SMIM8: variants seen among roughly 807,000 people sequenced by gnomAD.
SMIM8 encodes small integral membrane protein 8.
A neutral mutation model predicts 8.1 loss-of-function variants in SMIM8; 8 were observed. The observed-to-expected ratio is 0.99, with a 90% CI of 0.58 to 1.78. The LOEUF (loss-of-function observed/expected upper bound fraction) is 1.78. SMIM8 is among the 40% of genes most tolerant of loss of function. SMIM8 has a pLI of 0.00. For synonymous variants in SMIM8, 45 were observed against 39.7 expected (o/e 1.13, Z -0.50); for missense variants, 126 against 119.8 (o/e 1.05, Z -0.24).
intron 1 of SMIM8, among the ~76,000 whole-genome samples, chr6:87,328,219 A>G (rs1942078157): frequency 6.6e-6 from 1 of 152,176 alleles, no homozygotes; most frequent in African/African-American, 2.4e-5. Context: ...CGTAGCTCGG[A>G]ATAATTTGAT....
chr6:87,326,087 G>A (rs934571891), intron 1 of SMIM8, among the ~76,000 whole-genome samples: 1 of 152,176 alleles, frequency 6.6e-6, no homozygotes, highest in South Asian at 2.1e-4. Flanking sequence ...ATGGTAGTTT[G>A]TATTTCTGTG....
Position 87,340,476 on chromosome 6 carries a change from C to A in SMIM8, c.*202C>A. ...TCTCATTCTTTTTCCACAGAGTGAG[C>A]GTCATAATATTTTTCTTTCCTTACC... On this transcript the variant is annotated 3_prime_UTR_variant, in exon 4 of 4. Transcript: ENST00000392863. The A allele has an allele frequency of 2.7e-6, 1 of 372,172 alleles. No homozygotes were observed. Among genetic ancestry groups the A allele is most frequent in the Non-Finnish European group, 4.6e-6 (1 of 217,524 alleles). 23.1% of individuals were successfully genotyped at this position (372,172 alleles called of 1,614,324 possible).
At position 87,326,753 on chromosome 6, in the gene SMIM8, G is replaced by A. The variant is rs546054011; in HGVS notation, c.-44-3939G>A. ...AAAAATGTATATTCTGTTGATTTGG[G>A]GTGGAGAGTTCTGTAGATGTCTATT... On this transcript the variant is annotated intron_variant, in intron 1 of 3. Transcript: ENST00000392863. 6.6e-5 allele frequency among the ~76,000 whole-genome samples: 8 copies of A among 120,602 alleles called. No homozygotes were observed. In the South Asian group the frequency reaches 9.1e-4, roughly 14 times the overall value. 79.1% of individuals were successfully genotyped at this position (120,602 alleles called of 152,430 possible). A position where few individuals can be genotyped will look rare whatever the true frequency, so the allele number is the denominator to read the frequency against.
intron 1 of SMIM8, among the ~76,000 whole-genome samples, chr6:87,323,204 G>T (rs569280339): frequency 1.3e-5 from 2 of 152,336 alleles, no homozygotes; most frequent in East Asian, 3.9e-4. Context: ...CGCCAGCAAA[G>T]CCTTTCCCCT....
intron 2 of SMIM8, among the ~76,000 whole-genome samples, chr6:87,335,052 C>T (rs1777077244): frequency 6.6e-6 from 1 of 152,132 alleles, no homozygotes; most frequent in African/African-American, 2.4e-5. Flanking sequence ...ACAACTCTTT[C>T]TAAATGTAGA....
rs1424659153 is a variant in SMIM8 at position 87,332,327 on chromosome 6, G to GTA, written c.-24+1630_-24+1631dup. 3.1e-3 allele frequency among the ~76,000 whole-genome samples: 123 copies of GTA among 39,390 alleles called. 1 individual carries two copies. Among genetic ancestry groups the GTA allele is most frequent in the Middle Eastern group, 0.02 (2 of 102 alleles). 25.8% of individuals were successfully genotyped at this position (39,390 alleles called of 152,430 possible). ...CCTCCTCTCCTCCCCCCCCATATAT[G>GTA]TATATATATATATATAAATGACAGC... On this transcript the variant is annotated intron_variant, in intron 2 of 3. Transcript: ENST00000392863.
Position 87,337,076 on chromosome 6 carries a change from C to A in SMIM8, c.45C>A (p.Pro15=). The A allele has an allele frequency of 6.2e-7, 1 of 1,613,036 alleles. No individual in the cohort carries two copies. The highest frequency in any genetic ancestry group is 8.5e-7 in the Non-Finnish European group (1 of 1,179,428). The change falls in exon 3 of 4, where the codon CCC becomes CCA. Residue 15 remains proline, a synonymous_variant. Coordinates refer to ENST00000392863, the MANE Select transcript of SMIM8 (RefSeq NM_001042493.3). Reference sequence around the variant, plus strand: ...CTCCAACATTCAAAAAGGAACCACCCAAAGAGAAAGAGTTTCAAAGCCCAG... The same window carrying A: ...CTCCAACATTCAAAAAGGAACCACCAAAAGAGAAAGAGTTTCAAAGCCCAG... ...PEPPTFKKEP[P]KEKEFQSPGL...
chr6:87,334,562 C>G (rs1459609669), intron 2 of SMIM8, among the ~76,000 whole-genome samples: 5 of 152,084 alleles, frequency 3.3e-5, no homozygotes, highest in Non-Finnish European at 4.4e-5. Context: ...CCTCTTCCTC[C>G]CAAAATAGTG....
At chr6:87,336,731 G>C (rs242277) in intron 2 of SMIM8, among the ~76,000 whole-genome samples, 84,646 of 151,916 alleles carry the variant, frequency 0.56, 23,927 homozygotes, top group Non-Finnish European at 0.6. Flanking sequence ...GTGACTCAGA[G>C]CAACAAACAA....
intron 2 of SMIM8, among the ~76,000 whole-genome samples, chr6:87,333,565 T>C (rs59127357): frequency 0.073 from 11,108 of 152,046 alleles, 877 homozygotes; most frequent in African/African-American, 0.2. Context: ...CAGTTCTCAT[T>C]AGAAGAAAAA....
At chr6:87,339,515 TA>T (rs961986647) in intron 3 of SMIM8, among the ~76,000 whole-genome samples, 2 of 151,866 alleles carry the variant, frequency 1.3e-5, no homozygotes, top group Non-Finnish European at 2.9e-5. Flanking sequence ...TGTCCAAGAG[TA>T]AATCAAGGTT....
At chr6:87,323,863 A>G (rs1730464895) in intron 1 of SMIM8, among the ~76,000 whole-genome samples, 1 of 152,084 alleles carries the variant, frequency 6.6e-6, no homozygotes, top group African/African-American at 2.4e-5. Flanking sequence ...GACTTCCACA[A>G]TGGTTGTACT....
At chr6:87,332,782 G>T (rs1562223427) in intron 2 of SMIM8, among the ~76,000 whole-genome samples, 1 of 29,634 alleles carries the variant, frequency 3.4e-5, no homozygotes, top group Non-Finnish European at 7.7e-5. Context: ...TTGTATATTT[G>T]CTTTTTCAGG....
chr6:87,340,976 T>G lies in SMIM8; in HGVS notation c.*702T>G. On this transcript the variant is annotated 3_prime_UTR_variant, in exon 4 of 4. Coordinates refer to ENST00000392863, the MANE Select transcript of SMIM8 (RefSeq NM_001042493.3). Reference sequence around the variant, plus strand: ...AAAAGTATGTTTTACTGAGGTATGATGATTTTGACTACAACTAAATGTTAT... The same window carrying G: ...AAAAGTATGTTTTACTGAGGTATGAGGATTTTGACTACAACTAAATGTTAT... 1 of 244,038 alleles carries G rather than the reference T, an allele frequency of 4.1e-6. No homozygotes were observed. The highest frequency in any genetic ancestry group is 7.7e-6 in the Non-Finnish European group (1 of 129,428). The allele number at this position is 244,038 out of a possible 1,614,324, so 15.1% of individuals were successfully genotyped here.
At chr6:87,336,322 CA>C (rs1308144941) in intron 2 of SMIM8, among the ~76,000 whole-genome samples, 3 of 152,074 alleles carry the variant, frequency 2.0e-5, no homozygotes, top group Non-Finnish European at 1.5e-5. Flanking sequence ...GCTAGGAAAA[CA>C]AGAAGACAAA....
chr6:87,340,128 A>T lies in SMIM8; in HGVS notation c.148A>T (p.Met50Leu). 2 of 1,579,160 alleles carry T rather than the reference A, an allele frequency of 1.3e-6. No individual in the cohort carries two copies. Among genetic ancestry groups the T allele is most frequent in the South Asian group, 2.4e-5 (2 of 84,478 alleles). The change falls in exon 4 of 4, where the codon ATG becomes TTG. Residue 50 changes from methionine to leucine, a missense_variant. Physicochemically the swap from Met to Leu is conservative, Grantham distance 15. Coordinates refer to ENST00000392863, the MANE Select transcript of SMIM8 (RefSeq NM_001042493.3). ...ELFIKPNKPV[M>L]AFGLVTLSLC... ...TTTTCTTTGACAGAACAAACCTGTA[A>T]TGGCTTTCGGATTGGTAACTCTTTC...
At chr6:87,327,071 C>T (rs1776841082) in intron 1 of SMIM8, among the ~76,000 whole-genome samples, 1 of 150,902 alleles carries the variant, frequency 6.6e-6, no homozygotes, top group African/African-American at 2.5e-5. Flanking sequence ...TCTGTTTTAT[C>T]AGAGACTAGG....
At chr6:87,326,957 T>C (rs1776837792) in intron 1 of SMIM8, among the ~76,000 whole-genome samples, 1 of 110,524 alleles carries the variant, frequency 9.0e-6, no homozygotes. Flanking sequence ...GCTCCTGTAT[T>C]GGGTGCATAT....
intron 1 of SMIM8, among the ~76,000 whole-genome samples, 196 bp from the exon 2 acceptor site, chr6:87,330,496 G>A (rs1776967798): frequency 6.6e-6 from 1 of 151,976 alleles, no homozygotes; most frequent in Non-Finnish European, 1.5e-5. Context: ...TGCTAAAGAA[G>A]GGAAAATCAT....
Sources: allele counts gnomAD v4.1 joint callset (sites outside exome capture counted in the v4.1 genomes callset), GRCh38; gene constraint gnomAD v4.1.1; transcripts MANE v1.5; gene names NCBI Gene and HGNC (gene_info 2026-07-23, HGNC 2026-07-21).